Variants in PAK3 observed in about 807,000 individuals in gnomAD.
The protein encoded by PAK3 is p21 (RAC1) activated kinase 3, also known as serine/threonine-protein kinase PAK 3.
In PAK3, 4 loss-of-function variants were observed where a neutral mutation model predicts 41.0. The observed-to-expected ratio is 0.10, with a 90% CI of 0.05 to 0.22. The LOEUF is 0.22. PAK3 is among the 10% of genes least tolerant of loss of function. The probability of loss-of-function intolerance (pLI) is 1.00; values close to 1 mark genes in which losing one functional copy is unlikely to be tolerated. For missense variants in PAK3, 205 were observed against 409.9 expected (o/e 0.50, Z 4.32); for synonymous variants, 146 against 139.6 (o/e 1.05, Z -0.32).
At chrX:111,076,757 A>C (rs2092789206) in intron 1 of PAK3, among the ~76,000 whole-genome samples, 1 of 112,281 alleles carries the variant, frequency 8.9e-6, no homozygotes, top group Non-Finnish European at 1.9e-5. Context: ...GTTTACAATC[A>C]AGAACAAGAC....
chrX:111,010,670 C>T (rs750905366), intron 1 of PAK3, among the ~76,000 whole-genome samples: 1 of 111,309 alleles, frequency 9.0e-6, no homozygotes, highest in South Asian at 3.8e-4. Context: ...TATGCTGGTT[C>T]CCCCTTCACC....
chrX:110,999,637 AGTG>A (rs1219938939), intron 1 of PAK3, among the ~76,000 whole-genome samples: 3 of 100,591 alleles, frequency 3.0e-5, no homozygotes, highest in Non-Finnish European at 4.0e-5. Flanking sequence ...TTATTGGGGG[AGTG>A]GTGGTGGTGG....
intron 5 of PAK3, among the ~76,000 whole-genome samples, chrX:111,141,687 CT>C (rs1423982067): frequency 8.9e-6 from 1 of 111,854 alleles, no homozygotes; most frequent in African/African-American, 3.2e-5. Context: ...TTCACAATAT[CT>C]TTATTGAAAG....
At chrX:111,204,609 G>A (rs1250685532) in intron 16 of PAK3, among the ~76,000 whole-genome samples, 2 of 111,296 alleles carry the variant, frequency 1.8e-5, no homozygotes, top group Non-Finnish European at 3.8e-5. Context: ...GATAATTTCT[G>A]ACCTTTATTG....
intron 12 of PAK3, 106 bp downstream of exon 12, chrX:111,192,281 T>C (rs2094567364): frequency 3.4e-6 from 2 of 593,242 alleles, no homozygotes; most frequent in East Asian, 6.8e-5. Context: ...TAGCACTGGG[T>C]TGACATAGGT....
chrX:110,976,260 C>T lies in PAK3; in HGVS notation c.-28+31632C>T, dbSNP rs142193713. Among the ~76,000 whole-genome samples, 947 of 112,145 alleles carry T rather than the reference C, an allele frequency of 8.4e-3. 10 individuals carry two copies. Among genetic ancestry groups the T allele is most frequent in the African/African-American group, 0.027 (840 of 30,891 alleles). On this transcript the variant is annotated intron_variant, in intron 1 of 14. Transcript: ENST00000425146. Reference sequence around the variant, plus strand: ...TCTGCAAAGAACTCAAACAAATTTACAAGAGAAAAACAAACAACCCCATCA... The same window carrying T: ...TCTGCAAAGAACTCAAACAAATTTATAAGAGAAAAACAAACAACCCCATCA...
intron 1 of PAK3, among the ~76,000 whole-genome samples, chrX:110,952,204 G>A (rs188554098): frequency 6.5e-4 from 73 of 112,034 alleles, no homozygotes; most frequent in African/African-American, 2.3e-3. Flanking sequence ...GGGTATTTTG[G>A]TGTGTGCTTT....
At chrX:111,002,228 T>A (rs2091859428) in intron 1 of PAK3, among the ~76,000 whole-genome samples, 1 of 111,739 alleles carries the variant, frequency 8.9e-6, no homozygotes, top group Non-Finnish European at 1.9e-5. Context: ...AATAACACCA[T>A]GAAGTAGGTA....
intron 6 of PAK3, chrX:111,146,521 C>T: frequency 8.8e-7 from 1 of 1,131,350 alleles, no homozygotes; most frequent in Non-Finnish European, 1.2e-6. Context: ...TCCATTACAG[C>T]CAGATCTCTA....
chrX:111,054,155 C>A (rs1003253176), intron 1 of PAK3, among the ~76,000 whole-genome samples: 1 of 112,294 alleles, frequency 8.9e-6, no homozygotes, highest in African/African-American at 3.2e-5. Flanking sequence ...TCCCACAAGA[C>A]AATCAGCCCA....
At chrX:110,976,773 G>A (rs977323183) in intron 1 of PAK3, among the ~76,000 whole-genome samples, 1 of 111,714 alleles carries the variant, frequency 9.0e-6, no homozygotes, top group East Asian at 2.8e-4. Context: ...GGAATACTAT[G>A]CAGCCATAAA....
chrX:111,219,190 AAATAATAATAATAATAATAATAAT>A (rs3062744), intron 17 of PAK3, among the ~76,000 whole-genome samples: 25 of 84,398 alleles, frequency 3.0e-4, no homozygotes, highest in African/African-American at 9.6e-4. Flanking sequence ...AGTCCATCTC[AAATAATAATAATAATAATAATAAT>A]AATAATAATA....
intron 1 of PAK3, among the ~76,000 whole-genome samples, chrX:111,031,068 G>A (rs950652478): frequency 1.8e-5 from 2 of 111,937 alleles, no homozygotes; most frequent in African/African-American, 6.5e-5. Context: ...CTGATTCAGT[G>A]GAAACAAGAC....
At chrX:110,946,138 A>G (rs1194363606) in intron 1 of PAK3, among the ~76,000 whole-genome samples, 5 of 111,325 alleles carry the variant, frequency 4.5e-5, no homozygotes, top group African/African-American at 1.6e-4. Context: ...TATGATCAAG[A>G]AAGGCTTCAT....
chrX:110,962,467 A>G (rs1183283748), intron 1 of PAK3, among the ~76,000 whole-genome samples: 2 of 112,676 alleles, frequency 1.8e-5, no homozygotes, highest in African/African-American at 6.5e-5. Context: ...TTGGCATTAT[A>G]ACAGCCTCCT....
chrX:111,140,128 A>G (rs1026144240), intron 5 of PAK3, among the ~76,000 whole-genome samples: 1 of 111,797 alleles, frequency 8.9e-6, no homozygotes, highest in Non-Finnish European at 1.9e-5. Flanking sequence ...CTCTCAAATT[A>G]CATGAAGTAT....
chrX:110,976,247 TCAAA>T (rs1426837093), intron 1 of PAK3, among the ~76,000 whole-genome samples: 1 of 112,021 alleles, frequency 8.9e-6, no homozygotes, highest in East Asian at 2.8e-4. Context: ...TGCAAAGAAC[TCAAA>T]CAAATTTACA....
intron 1 of PAK3, among the ~76,000 whole-genome samples, chrX:111,019,984 C>G (rs1388329357): frequency 9.0e-6 from 1 of 111,517 alleles, no homozygotes; most frequent in Non-Finnish European, 1.9e-5. Flanking sequence ...TAAAATGGTA[C>G]AGCTGCTATG....
chrX:110,957,048 A>G (rs1193219478), intron 1 of PAK3, among the ~76,000 whole-genome samples: 2 of 111,616 alleles, frequency 1.8e-5, no homozygotes. Context: ...ACCATTTCAG[A>G]GAAATTTTGA....
Sources: gnomAD v4.1 joint callset for allele counts (sites outside exome capture counted in the v4.1 genomes callset) on GRCh38, gnomAD v4.1.1 for gene constraint, MANE v1.5 for transcripts, NCBI Gene and HGNC (gene_info 2026-07-23, HGNC 2026-07-21) for gene names.